The following NCKAP5 variants were observed in gnomAD, a reference collection of about 807,000 sequenced individuals.
NCKAP5 encodes the protein NCK associated protein 5.
A neutral mutation model predicts 167.0 loss-of-function variants in NCKAP5; 92 were observed. The ratio of observed to expected loss-of-function variants is 0.55; its 90% CI spans 0.47 to 0.66. NCKAP5 has a LOEUF of 0.66. NCKAP5 is among the 30% of genes least tolerant of loss of function. The probability of loss-of-function intolerance (pLI) is 0.00; values close to 1 mark genes in which losing one functional copy is unlikely to be tolerated. For missense variants in NCKAP5, 2,378 were observed against 2,315.0 expected, an observed-to-expected ratio of 1.03 and a Z score of -0.56; for synonymous variants, 891 against 877.4, an observed-to-expected ratio of 1.02 and a Z score of -0.27.
chr2:133,132,675 A>AT (rs35497758), intron 5 of NCKAP5, among the ~76,000 whole-genome samples: 2,250 of 139,304 alleles, frequency 0.016, 43 homozygotes, highest in East Asian at 0.079. Context: ...TTTGTACCCA[A>AT]TTTTTTTTTT....
chr2:132,707,705 G>A (rs925412804), intron 19 of NCKAP5, among the ~76,000 whole-genome samples: 2 of 152,216 alleles, frequency 1.3e-5, no homozygotes, highest in Non-Finnish European at 2.9e-5. Flanking sequence ...GTCCAGAAAC[G>A]TGGCAGTGTT....
chr2:132,774,000 G>A, intron 15 of NCKAP5, 106 bp from the exon 16 acceptor site: 2 of 889,284 alleles, frequency 2.2e-6, no homozygotes, highest in South Asian at 3.2e-5. Context: ...GTGGGCATAG[G>A]TGTGAGTGTT....
At chr2:133,028,160 T>A (rs948411858) in intron 6 of NCKAP5, among the ~76,000 whole-genome samples, 10 of 152,304 alleles carry the variant, frequency 6.6e-5, no homozygotes, top group Admixed American at 4.6e-4. Context: ...GAATAAGGGA[T>A]ACTTATCTTG....
At chr2:133,657,277 G>A in the NCKAP5 span, among the ~76,000 whole-genome samples, 1 of 152,176 alleles carries the variant, frequency 6.6e-6, no homozygotes, top group Non-Finnish European at 1.5e-5. Context: ...TAGGATCAAG[G>A]CTGGCAGCAC....
chr2:133,437,558 G>A (rs1690569378), intron 3 of NCKAP5, among the ~76,000 whole-genome samples: 1 of 152,134 alleles, frequency 6.6e-6, no homozygotes, highest in South Asian at 2.1e-4. Context: ...TTGTACTTTT[G>A]TGTTTTTCCC....
intron 6 of NCKAP5, among the ~76,000 whole-genome samples, chr2:133,103,795 C>A (rs545111918): frequency 2.6e-4 from 39 of 152,234 alleles, no homozygotes; most frequent in African/African-American, 7.9e-4. Context: ...GTCAATCAAT[C>A]AATGAAAGCT....
At chr2:133,547,747 C>T (rs1413412751) in intron 2 of NCKAP5, among the ~76,000 whole-genome samples, 1 of 149,162 alleles carries the variant, frequency 6.7e-6, no homozygotes, top group South Asian at 2.2e-4. Context: ...TCATCAAAGA[C>T]CAAAAGTAGA....
intron 4 of NCKAP5, among the ~76,000 whole-genome samples, chr2:133,225,173 CA>C (rs1283841317): frequency 6.6e-6 from 1 of 152,078 alleles, no homozygotes; most frequent in East Asian, 1.9e-4. Context: ...GTTGTTCCAT[CA>C]ATTTTGGTAA....
Position 133,565,267 on chromosome 2 carries a change from C to T in NCKAP5, c.-130+2949G>A, listed in dbSNP as rs1372150263. ...TAACCATGGCTGGATCTGAATCCCA[C>T]CTTAGAGGTCATGATTCAGTAAGTC... On this transcript the variant is annotated intron_variant, in intron 1 of 19. Coordinates refer to ENST00000409261, the MANE Select transcript of NCKAP5 (RefSeq NM_207363.3). 2.0e-5 allele frequency among the ~76,000 whole-genome samples: 3 copies of T among 152,282 alleles called. No individual in the cohort carries two copies. The East Asian group carries it at 5.8e-4, about 29-fold the overall frequency.
intron 6 of NCKAP5, among the ~76,000 whole-genome samples, chr2:133,108,301 G>A (rs1468915786): frequency 6.6e-6 from 1 of 152,114 alleles, no homozygotes; most frequent in Admixed American, 6.5e-5. Context: ...AATGCTAGAG[G>A]ACAGTATCCC....
At chr2:133,294,169 A>C (rs1234235549) in intron 4 of NCKAP5, among the ~76,000 whole-genome samples, 1 of 152,222 alleles carries the variant, frequency 6.6e-6, no homozygotes, top group African/African-American at 2.4e-5. Context: ...AAAACAAATC[A>C]TAGTTCTTAT....
At chr2:133,214,139 T>C (rs2086329336) in intron 4 of NCKAP5, among the ~76,000 whole-genome samples, 1 of 152,214 alleles carries the variant, frequency 6.6e-6, no homozygotes, top group Non-Finnish European at 1.5e-5. Context: ...TTTTTATTTC[T>C]TTTGTTGCTC....
intron 6 of NCKAP5, among the ~76,000 whole-genome samples, chr2:133,113,091 G>A (rs772804862): frequency 1.2e-4 from 19 of 152,092 alleles, no homozygotes; most frequent in Non-Finnish European, 2.1e-4. Context: ...CAGTCGCTCC[G>A]GCCACTCACA....
At chr2:133,059,277 G>A (rs1297340842) in intron 6 of NCKAP5, among the ~76,000 whole-genome samples, 2 of 152,114 alleles carry the variant, frequency 1.3e-5, no homozygotes, top group Non-Finnish European at 2.9e-5. Flanking sequence ...TCCAGCCTGG[G>A]CGACAGAGCG....
intron 11 of NCKAP5, among the ~76,000 whole-genome samples, chr2:132,833,602 C>T (rs1687674503): frequency 6.6e-6 from 1 of 152,202 alleles, no homozygotes; most frequent in African/African-American, 2.4e-5. Flanking sequence ...TTCCCAGAAT[C>T]ATTTATTCAA....
chr2:133,632,651 C>T, the NCKAP5 span, among the ~76,000 whole-genome samples: 4 of 152,194 alleles, frequency 2.6e-5, no homozygotes, highest in African/African-American at 4.8e-5. Context: ...CATCCTCCTG[C>T]GTCAGAGATG....
the NCKAP5 span, among the ~76,000 whole-genome samples, chr2:133,649,144 T>C: frequency 1.3e-5 from 2 of 150,814 alleles, no homozygotes; most frequent in East Asian, 1.9e-4. Context: ...TTAGAAAACA[T>C]TAATAAATTC....
intron 1 of NCKAP5, among the ~76,000 whole-genome samples, chr2:133,566,364 G>C (rs777513510): frequency 6.6e-6 from 1 of 152,210 alleles, no homozygotes; most frequent in Non-Finnish European, 1.5e-5. Flanking sequence ...CCTGTACCCA[G>C]TGCAAAATGC....
At chr2:133,542,003 G>A (rs1686264550) in intron 2 of NCKAP5, among the ~76,000 whole-genome samples, 1 of 152,116 alleles carries the variant, frequency 6.6e-6, no homozygotes, top group African/African-American at 2.4e-5. Context: ...TTGCACACTT[G>A]ACTCACTTCA....
Sources: allele counts gnomAD v4.1 joint callset (sites outside exome capture counted in the v4.1 genomes callset), GRCh38; gene constraint gnomAD v4.1.1; transcripts MANE v1.5; gene names NCBI Gene and HGNC (gene_info 2026-07-23, HGNC 2026-07-21).